The following IL17RD variants were observed in gnomAD, a reference collection of about 807,000 sequenced individuals.
The protein encoded by IL17RD is interleukin-17 receptor D.
Under a neutral mutation model 80.5 loss-of-function variants are expected in IL17RD, and 52 were observed. The observed-to-expected ratio is 0.65, with a 90% CI of 0.52 to 0.81. The LOEUF (loss-of-function observed/expected upper bound fraction) is 0.81. Among genes scored for constraint, IL17RD ranks in the 40% least tolerant of loss-of-function variants. The pLI is 0.00. For synonymous variants in IL17RD, 416 were observed against 391.8 expected (o/e 1.06, Z -0.73); for missense variants, 1,024 against 955.1 (o/e 1.07, Z -0.95).
chr3:57,101,586 T>G (rs1234164681), intron 10 of IL17RD, among the ~76,000 whole-genome samples: 2 of 152,218 alleles, frequency 1.3e-5, no homozygotes, highest in Non-Finnish European at 2.9e-5. Context: ...GAAATTGATC[T>G]TGGATAAACT....
At position 57,165,175 on chromosome 3, in the gene IL17RD, T is replaced by C; in HGVS notation, c.112A>G (p.Thr38Ala). Residue 38 changes from threonine (T) to alanine (A), a missense_variant, in exon 1 of 13, where the codon ACC becomes GCC. Coordinates refer to ENST00000296318, the MANE Select transcript of IL17RD (RefSeq NM_017563.5). ...GGSGRARGAD[T>A]CGWRGVGPAS... is the part of the protein sequence containing the mutation. The stretch of plus-strand genomic sequence containing the variant: ...CCTCGCCTTACCCTCCAGCCACAGG[T>C]GTCGGCGCCCCGCGCGCGGCCGGAC... 1.3e-6 allele frequency: 2 copies of C among 1,526,542 alleles called. No individual in the cohort carries two copies. Among genetic ancestry groups the C allele is most frequent in the Non-Finnish European group, 8.8e-7 (1 of 1,138,378 alleles). 94.6% of individuals were successfully genotyped at this position (1,526,542 alleles called of 1,614,324 possible).
intron 1 of IL17RD, among the ~76,000 whole-genome samples, chr3:57,147,870 A>G (rs1707964297): frequency 6.6e-6 from 1 of 152,222 alleles, no homozygotes; most frequent in African/African-American, 2.4e-5. Context: ...AAGAATCAGT[A>G]TGTAATGGAG....
intron 3 of IL17RD, among the ~76,000 whole-genome samples, chr3:57,112,536 C>T (rs1213144730): frequency 6.6e-6 from 1 of 152,232 alleles, no homozygotes; most frequent in East Asian, 1.9e-4. Flanking sequence ...TTCCTGTCAC[C>T]AGCTCACATC....
intron 1 of IL17RD, among the ~76,000 whole-genome samples, chr3:57,138,092 C>T (rs1707762345): frequency 6.6e-6 from 1 of 152,074 alleles, no homozygotes; most frequent in Non-Finnish European, 1.5e-5. Flanking sequence ...TAGCCAGGGG[C>T]TGCGGGGAGA....
intron 1 of IL17RD, among the ~76,000 whole-genome samples, chr3:57,160,226 C>G (rs1411595843): frequency 1.3e-5 from 2 of 151,738 alleles, no homozygotes; most frequent in African/African-American, 4.8e-5. Flanking sequence ...GATGGGGTAG[C>G]CCCAGCAGGA....
At chr3:57,122,444 C>A (rs1473567281) in intron 1 of IL17RD, among the ~76,000 whole-genome samples, 1 of 152,222 alleles carries the variant, frequency 6.6e-6, no homozygotes. Context: ...AGCAGGTGGG[C>A]AGTGGGAGAG....
At chr3:57,128,551 C>T (rs1477142150) in intron 1 of IL17RD, among the ~76,000 whole-genome samples, 10 of 151,634 alleles carry the variant, frequency 6.6e-5, no homozygotes, top group Admixed American at 5.3e-4. Flanking sequence ...CTTTGCCCCC[C>T]GAAATCCATT....
At chr3:57,108,707 G>T (rs1315373865) in intron 5 of IL17RD, among the ~76,000 whole-genome samples, 3 of 150,500 alleles carry the variant, frequency 2.0e-5, no homozygotes, top group African/African-American at 7.3e-5. Context: ...GTACAGACGG[G>T]GTTTCACCAT....
intron 1 of IL17RD, among the ~76,000 whole-genome samples, chr3:57,160,321 A>T (rs979772683): frequency 4.6e-5 from 7 of 151,994 alleles, no homozygotes; most frequent in Non-Finnish European, 8.8e-5. Context: ...AGAAAAAAAA[A>T]ACATGTTTTA....
chr3:57,149,296 C>CA (rs111306706), intron 1 of IL17RD, among the ~76,000 whole-genome samples: 10,366 of 88,146 alleles, frequency 0.12, 842 homozygotes, highest in African/African-American at 0.28. Flanking sequence ...AACTCCATCT[C>CA]AAAAAAAAAA....
chr3:57,154,219 G>A (rs1298282983), intron 1 of IL17RD, among the ~76,000 whole-genome samples: 5 of 149,360 alleles, frequency 3.3e-5, no homozygotes, highest in African/African-American at 7.4e-5. Flanking sequence ...ACTGCACTTC[G>A]GCCTGAGTGA....
chr3:57,104,071 A>G (rs1395209604), intron 8 of IL17RD, among the ~76,000 whole-genome samples: 1 of 152,208 alleles, frequency 6.6e-6, no homozygotes, highest in African/African-American at 2.4e-5. Context: ...TTAAAAATAT[A>G]TCTTTGTAGT....
chr3:57,157,732 C>T (rs2060278053), intron 1 of IL17RD, among the ~76,000 whole-genome samples: 1 of 152,222 alleles, frequency 6.6e-6, no homozygotes, highest in East Asian at 1.9e-4. Flanking sequence ...AACCAGAAAT[C>T]ACCCGGACAG....
upstream of IL17RD, chr3:57,169,499 C>A: frequency 4.7e-6 from 1 of 210,894 alleles, no homozygotes; most frequent in Non-Finnish European, 9.7e-6. Context: ...AAATCCTTAA[C>A]GCAAGGATTG....
chr3:57,102,641 AAG>A, intron 9 of IL17RD, 52 bp from the exon 10 acceptor site: 1 of 919,870 alleles, frequency 1.1e-6, no homozygotes, highest in Non-Finnish European at 1.7e-6. Context: ...TAAAGGTTCA[AAG>A]AGAAACAACT....
At chr3:57,110,394 T>C in intron 3 of IL17RD, 83 bp from the exon 4 acceptor site, 2 of 1,428,240 alleles carry the variant, frequency 1.4e-6, no homozygotes, top group Non-Finnish European at 1.9e-6. Context: ...TACCATCTTC[T>C]CTACCTACAC....
At position 57,097,784 on chromosome 3, in the gene IL17RD, C is replaced by A; in HGVS notation, c.1919G>T (p.Ser640Ile). The change falls in exon 12 of 13, where the codon AGC becomes ATC. Residue 640 changes from serine (S) to isoleucine (I), a missense_variant. Physicochemically the swap from Ser to Ile is moderately radical, Grantham distance 142. Transcript: ENST00000296318. The part of the protein sequence containing the change: ...DGEARPALDG[S>I]AALQPLLHTV... ...GTGCAGCAGGGGTTGCAGGGCGGCG[C>A]TACCGTCAAGGGCAGGCCGGGCCTC... The A allele has an allele frequency of 6.2e-7, 1 of 1,603,528 alleles. No individual in the cohort carries two copies. The highest frequency in any genetic ancestry group is 1.1e-5 in the South Asian group (1 of 89,116).
In IL17RD at chr3:57,127,233, A is replaced by AATATATATAAAT. The variant is rs371931689; in HGVS notation, c.127-6921_127-6920insATTTATATATAT. 2.3e-5 allele frequency among the ~76,000 whole-genome samples: 2 copies of AATATATATAAAT among 86,848 alleles called. 1 individual carries two copies. The highest frequency in any genetic ancestry group is 4.1e-5 in the Non-Finnish European group (2 of 48,728). 57.0% of individuals were successfully genotyped at this position (86,848 alleles called of 152,430 possible). On this transcript the variant is annotated intron_variant, in intron 1 of 12. Coordinates refer to ENST00000296318, the MANE Select transcript of IL17RD (RefSeq NM_017563.5). Reference sequence around the variant, plus strand: ...AAAAATATATATAAATATATATAAAAATATATAAATATATATATAAATATA... The same window carrying AATATATATAAAT: ...AAAAATATATATAAATATATATAAAAATATATATAAATATATATAAATATATATATAAATATA...
At chr3:57,120,550 A>T (rs910707808) in intron 1 of IL17RD, among the ~76,000 whole-genome samples, 7 of 152,214 alleles carry the variant, frequency 4.6e-5, no homozygotes, top group Non-Finnish European at 8.8e-5. Flanking sequence ...ACTTCCCCTA[A>T]AACAATAAGG....
Sources: allele counts gnomAD v4.1 joint callset (sites outside exome capture counted in the v4.1 genomes callset), GRCh38; gene constraint gnomAD v4.1.1; transcripts MANE v1.5; gene names NCBI Gene and HGNC (gene_info 2026-07-23, HGNC 2026-07-21).